Variants in MSI2 observed in about 807,000 individuals in gnomAD.
MSI2 encodes the protein musashi RNA binding protein 2.
In MSI2, 17 loss-of-function variants were observed where a neutral mutation model predicts 45.6. The observed-to-expected ratio is 0.37, with a 90% CI of 0.26 to 0.56. MSI2 has a LOEUF of 0.56. Ranked by LOEUF, MSI2 falls within the 20% of genes least tolerant of loss-of-function variation. The pLI is 0.77. For synonymous variants in MSI2, 156 were observed against 158.2 expected (o/e 0.99, Z 0.11); for missense variants, 293 against 444.2 (o/e 0.66, Z 3.06).
intron 5 of MSI2, among the ~76,000 whole-genome samples, chr17:57,300,065 C>T (rs947527889): frequency 7.2e-5 from 11 of 152,220 alleles, no homozygotes; most frequent in African/African-American, 1.4e-4. Context: ...TGGACCCACG[C>T]ACGGCTTTAC....
intron 10 of MSI2, among the ~76,000 whole-genome samples, chr17:57,634,338 T>TG (rs150624879): frequency 0.019 from 2,898 of 152,072 alleles, 57 homozygotes; most frequent in South Asian, 0.074. Context: ...TGGTGGCGGG[T>TG]GCCTGTAGTC....
In MSI2 at chr17:57,619,315, G is replaced by A. The variant is rs1301813059; in HGVS notation, c.652+3231G>A. On this transcript the variant is annotated intron_variant, in intron 9 of 13. Transcript: ENST00000284073. ...GCCCTGGGTAGCCTTGGGACACAGT[G>A]CTTCACAAGCAGATGTGCTTCCTGC... 5.9e-5 allele frequency among the ~76,000 whole-genome samples: 9 copies of A among 152,216 alleles called. No individual in the cohort carries two copies. In the South Asian group the frequency reaches 1.7e-3, roughly 28 times the overall value.
chr17:57,454,391 C>CTCCT lies in MSI2; in HGVS notation c.405+52931_405+52934dup, dbSNP rs1324815625. On this transcript the variant is annotated intron_variant, in intron 6 of 13. Coordinates refer to ENST00000284073, the MANE Select transcript of MSI2 (RefSeq NM_138962.4). ...TGTAGCTGCTGAAGGTATGTCTGTC[C>CTCCT]TCCTTCCTTCCTTCTTTCCTCTCTC... Among the ~76,000 whole-genome samples the CTCCT allele has an allele frequency of 2.6e-5, 4 of 151,198 alleles. No homozygotes were observed. In the East Asian group the frequency reaches 5.8e-4, roughly 22 times the overall value.
At chr17:57,588,615 T>A (rs924619223) in intron 7 of MSI2, among the ~76,000 whole-genome samples, 4 of 152,242 alleles carry the variant, frequency 2.6e-5, no homozygotes, top group Non-Finnish European at 1.5e-5. Flanking sequence ...CCTGCTCTTA[T>A]ATTTAAGAAA....
chr17:57,416,029 G>A (rs2084287909), intron 6 of MSI2, among the ~76,000 whole-genome samples: 1 of 152,150 alleles, frequency 6.6e-6, no homozygotes, highest in African/African-American at 2.4e-5. Context: ...CAGCATGCAG[G>A]GGAAGCAAAT....
intron 6 of MSI2, among the ~76,000 whole-genome samples, chr17:57,478,963 C>T (rs2085595321): frequency 6.6e-6 from 1 of 152,106 alleles, no homozygotes; most frequent in African/African-American, 2.4e-5. Context: ...CCTTCCTATG[C>T]ACTGGGGTGG....
At chr17:57,692,828 C>CCT in the MSI2 span, among the ~76,000 whole-genome samples, 4 of 150,014 alleles carry the variant, frequency 2.7e-5, no homozygotes, top group African/African-American at 7.3e-5. Flanking sequence ...CTTAATTTTA[C>CCT]CTCTCTCTCT....
At chr17:57,671,878 C>T (rs970120439) in intron 11 of MSI2, among the ~76,000 whole-genome samples, 1 of 152,208 alleles carries the variant, frequency 6.6e-6, no homozygotes, top group Non-Finnish European at 1.5e-5. Context: ...TTCCAGATGG[C>T]TCGTTCGGGG....
In MSI2 at chr17:57,259,149, T is replaced by C. The variant is rs1301610061; in HGVS notation, c.270+795T>C. On this transcript the variant is annotated intron_variant, in intron 4 of 13. Transcript: ENST00000284073. ...TGCAGTGTTTTATTTAGCCCCTGTG[T>C]GGGCTTCCTGCCTCTCCTCCCTTCC... Among the ~76,000 whole-genome samples, 4 of 152,162 alleles carry C rather than the reference T, an allele frequency of 2.6e-5. 1 individual carries two copies. The highest frequency in any genetic ancestry group is 5.9e-5 in the Non-Finnish European group (4 of 68,026).
chr17:57,341,883 T>C (rs550549252), intron 5 of MSI2, among the ~76,000 whole-genome samples: 1 of 152,294 alleles, frequency 6.6e-6, no homozygotes, highest in South Asian at 2.1e-4. Flanking sequence ...CCCTCTTTTT[T>C]TCCCCCTTTC....
intron 5 of MSI2, among the ~76,000 whole-genome samples, chr17:57,344,511 G>A (rs553981197): frequency 6.6e-6 from 1 of 152,326 alleles, no homozygotes; most frequent in Admixed American, 6.5e-5. Flanking sequence ...ACTTCTCCAA[G>A]GAGCTGGTTT....
chr17:57,367,590 A>G (rs892359157), intron 5 of MSI2, among the ~76,000 whole-genome samples: 5 of 152,136 alleles, frequency 3.3e-5, no homozygotes, highest in African/African-American at 1.2e-4. Context: ...TAGCTTAGGA[A>G]CAGCAGACCG....
intron 5 of MSI2, among the ~76,000 whole-genome samples, chr17:57,397,807 G>A (rs926825458): frequency 5.3e-5 from 8 of 152,220 alleles, no homozygotes; most frequent in Non-Finnish European, 1.0e-4. Flanking sequence ...ACACTGGTGA[G>A]CAGCTAACCA....
intron 6 of MSI2, among the ~76,000 whole-genome samples, chr17:57,461,906 C>G (rs2085237368): frequency 6.6e-6 from 1 of 152,224 alleles, no homozygotes; most frequent in African/African-American, 2.4e-5. Context: ...CATTTCCTTC[C>G]TCTTGTCCTT....
At chr17:57,257,971 G>A (rs983858344) in intron 3 of MSI2, among the ~76,000 whole-genome samples, 15 of 152,102 alleles carry the variant, frequency 9.9e-5, no homozygotes, top group Non-Finnish European at 2.1e-4. Flanking sequence ...AAAACAAAGC[G>A]TTAAGAAAGG....
intron 10 of MSI2, among the ~76,000 whole-genome samples, chr17:57,636,533 A>AGCT (rs1469154832): frequency 6.6e-6 from 1 of 152,048 alleles, no homozygotes; most frequent in East Asian, 1.9e-4. Context: ...GCGCTCAGGG[A>AGCT]GCTGCTTCCT....
In MSI2 at chr17:57,606,891, G is replaced by A. The variant is rs1906650383; in HGVS notation, c.538-9079G>A. ...GTGGGGAAGGGCTGTGTGAGGTGGG[G>A]TGATGGGGGGGGGTGGCTGGCAGCC... On this transcript the variant is annotated intron_variant, in intron 8 of 13. Transcript: ENST00000284073. Among the ~76,000 whole-genome samples, 4 of 151,542 alleles carry A rather than the reference G, an allele frequency of 2.6e-5. 1 individual carries two copies. In the South Asian group the frequency reaches 8.3e-4, roughly 32 times the overall value.
Position 57,280,110 on chromosome 17 carries a change from G to A in MSI2, c.312+17918G>A, listed in dbSNP as rs1909287560. 6.6e-6 allele frequency: 1 copy of A among 152,210 alleles called. No homozygotes were observed. Among genetic ancestry groups the A allele is most frequent in the African/African-American group, 2.4e-5 (1 of 41,410 alleles). 9.4% of individuals were successfully genotyped at this position (152,210 alleles called of 1,614,324 possible). On this transcript the variant is annotated intron_variant, in intron 5 of 13. Coordinates refer to ENST00000284073, the MANE Select transcript of MSI2 (RefSeq NM_138962.4). This position sits in a 1 kb window ranked among gnomAD's most constrained non-coding sequence, Gnocchi z 4.2. Reference sequence around the variant, plus strand: ...CTTGATGTAGGGAGGGAAGTAGCAGGGTGCATTTCATGTGCTGAGGGAAGA... The same window carrying A: ...CTTGATGTAGGGAGGGAAGTAGCAGAGTGCATTTCATGTGCTGAGGGAAGA...
At chr17:57,691,194 CTCTCTCATCTA>C in the MSI2 span, among the ~76,000 whole-genome samples, 4 of 134,448 alleles carry the variant, frequency 3.0e-5, no homozygotes, top group Non-Finnish European at 6.4e-5. Flanking sequence ...CTCTCTCTCT[CTCTCTCATCTA>C]TCTATCTATC....
Sources: allele counts gnomAD v4.1 joint callset (sites outside exome capture counted in the v4.1 genomes callset), GRCh38; gene constraint gnomAD v4.1.1; non-coding constraint Gnocchi (gnomAD v3.1); transcripts MANE v1.5; gene names NCBI Gene and HGNC (gene_info 2026-07-23, HGNC 2026-07-21).